PPP1R15A: variants seen among roughly 807,000 people sequenced by gnomAD.
PPP1R15A encodes protein phosphatase 1 regulatory subunit 15A, also known as growth arrest and DNA damage-inducible protein GADD34.
A neutral mutation model predicts 48.5 loss-of-function variants in PPP1R15A; 43 were observed. The ratio of observed to expected loss-of-function variants is 0.89; its 90% CI spans 0.69 to 1.14. The LOEUF (loss-of-function observed/expected upper bound fraction) is 1.14, where lower values mean the gene tolerates loss of function less well. Ranked by LOEUF, PPP1R15A falls within the 50% of genes most tolerant of loss-of-function variation. PPP1R15A has a pLI of 0.00. For missense variants in PPP1R15A, 868 were observed against 847.2 expected, an observed-to-expected ratio of 1.02 and a Z score of -0.30; for synonymous variants, 327 against 327.4, an observed-to-expected ratio of 1.00 and a Z score of 0.01.
chr19:48,874,277 G>A lies in PPP1R15A; in HGVS notation c.1044G>A (p.Glu348=), dbSNP rs778165768. 1 of 1,614,010 alleles carries A rather than the reference G, an allele frequency of 6.2e-7. No individual in the cohort carries two copies. Among genetic ancestry groups the A allele is most frequent in the African/African-American group, 1.3e-5 (1 of 74,908 alleles). The change falls in exon 2 of 3, where the codon GAG becomes GAA. Residue 348 remains glutamate (E), a synonymous_variant. Coordinates refer to ENST00000200453, the MANE Select transcript of PPP1R15A (RefSeq NM_014330.5). ...FLKAWVYWPG[E]DTEEEEDEEE... is the part of the protein sequence containing the mutation. Reference sequence around the variant, plus strand: ...AGGCCTGGGTGTATTGGCCAGGAGAGGACACAGAGGAAGAGGAAGATGAGG... The same window carrying A: ...AGGCCTGGGTGTATTGGCCAGGAGAAGACACAGAGGAAGAGGAAGATGAGG...
In PPP1R15A at chr19:48,875,690, C is replaced by T. The variant is rs779475446; in HGVS notation, c.1742C>T (p.Pro581Leu). ...CCGGCCCAGGCCGCCCGCCAGGGCCCCTGGGAGCAGCTTGCTCGGGATCGC... is the reference window on the plus strand; with the variant it reads ...CCGGCCCAGGCCGCCCGCCAGGGCCTCTGGGAGCAGCTTGCTCGGGATCGC... Reference protein sequence around the residue: ...AGPAQAARQGPWEQLARDRSR... With the variant: ...AGPAQAARQGLWEQLARDRSR... Residue 581 changes from proline to leucine, a missense_variant, in exon 3 of 3, where the codon CCC (proline) becomes CTC (leucine). Physicochemically the swap from Pro to Leu is moderately conservative, Grantham distance 98. Transcript: ENST00000200453. The T allele has an allele frequency of 3.7e-6, 6 of 1,612,240 alleles. No individual in the cohort carries two copies. In the South Asian group the frequency reaches 6.6e-5, roughly 18 times the overall value.
In PPP1R15A at chr19:48,873,876, T is replaced by C. The variant is rs2037042397; in HGVS notation, c.643T>C (p.Ser215Pro). The C allele has an allele frequency of 1.2e-6, 2 of 1,613,536 alleles. No homozygotes were observed. The highest frequency in any genetic ancestry group is 1.7e-6 in the Non-Finnish European group (2 of 1,179,902). ...RTSTSALSPG[S>P]KPSTWVSCPG... ...CTCTACTTCTGCCTTGTCTCCAGGATCCAAGCCCAGCACTTGGGTGTCTTG... is the reference window on the plus strand; with the variant it reads ...CTCTACTTCTGCCTTGTCTCCAGGACCCAAGCCCAGCACTTGGGTGTCTTG... Residue 215 changes from serine (S) to proline (P), a missense_variant, in exon 2 of 3, where the codon TCC (serine) becomes CCC (proline). By Grantham distance (74) the Ser-to-Pro change is moderately conservative (BLOSUM62 -1). Transcript: ENST00000200453.
Position 48,875,910 on chromosome 19 carries a change from C to G in PPP1R15A, c.1962C>G (p.Ala654=). 1 of 1,613,312 alleles carries G rather than the reference C, an allele frequency of 6.2e-7. No individual in the cohort carries two copies. Among genetic ancestry groups the G allele is most frequent in the Non-Finnish European group, 8.5e-7 (1 of 1,179,492 alleles). The change falls in exon 3 of 3, where the codon GCC becomes GCG. Residue 654 remains alanine, a synonymous_variant. Coordinates refer to ENST00000200453, the MANE Select transcript of PPP1R15A (RefSeq NM_014330.5). ...CCACGCCCTTGAGCCAAGCTGTGGCCACACCTTCCCGCTCGTCTGCTGCTG... is the reference window on the plus strand; with the variant it reads ...CCACGCCCTTGAGCCAAGCTGTGGCGACACCTTCCCGCTCGTCTGCTGCTG... The part of the protein sequence containing the change: ...VQTTPLSQAV[A]TPSRSSAAAA...
At position 48,872,456 on chromosome 19, in the gene PPP1R15A, T is replaced by C. The variant is rs1449958830; in HGVS notation, c.-205T>C. ...GTTCCCATCCCAGTTGTTGATCTTA[T>C]GCAAGACGCTGCACGACCCCGCGCC... On this transcript the variant is annotated 5_prime_UTR_variant, in exon 1 of 3. The change abolishes an upstream ATG in the 5' untranslated region. Coordinates refer to ENST00000200453, the MANE Select transcript of PPP1R15A (RefSeq NM_014330.5). 1 of 456,374 alleles carries C rather than the reference T, an allele frequency of 2.2e-6. No individual in the cohort carries two copies. Among genetic ancestry groups the C allele is most frequent in the East Asian group, 6.9e-5 (1 of 14,404 alleles). 28.3% of individuals were successfully genotyped at this position (456,374 alleles called of 1,614,324 possible). A position where few individuals can be genotyped will look rare whatever the true frequency, so the allele number is the denominator to read the frequency against.
At chr19:48,873,109 C>T (rs748658614) in intron 1 of PPP1R15A, 116 bp from the exon 2 acceptor site, 37 of 1,369,264 alleles carry the variant, frequency 2.7e-5, no homozygotes, top group Non-Finnish European at 3.1e-5. Context: ...TTGGGACTCT[C>T]GCGTTGCTAT....
In PPP1R15A at chr19:48,874,035, T is replaced by C; in HGVS notation, c.802T>C (p.Ser268Pro). The change falls in exon 2 of 3, where the codon TCC becomes CCC. Residue 268 changes from serine to proline, a missense_variant. Transcript: ENST00000200453. ...CTGGGAGTATCGTTCAGGAGAGGCG[T>C]CCGAGGAGAAGGAGGAAAAGGCACA... ...RSWEYRSGEASEEKEEKAHKE... is the reference protein window; with the variant it reads ...RSWEYRSGEAPEEKEEKAHKE... 1 of 1,613,884 alleles carries C rather than the reference T, an allele frequency of 6.2e-7. No individual in the cohort carries two copies. Among genetic ancestry groups the C allele is most frequent in the Non-Finnish European group, 8.5e-7 (1 of 1,179,956 alleles).
chr19:48,873,390 G>A lies in PPP1R15A; in HGVS notation c.157G>A (p.Ala53Thr), dbSNP rs775229479. 152 of 1,613,812 alleles carry A rather than the reference G, an allele frequency of 9.4e-5. No homozygotes were observed. Among genetic ancestry groups the A allele is most frequent in the Admixed American group, 1.2e-4 (7 of 59,908 alleles). Residue 53 changes from alanine to threonine, a missense_variant, in exon 2 of 3, where the codon GCA (alanine) becomes ACA (threonine). Coordinates refer to ENST00000200453, the MANE Select transcript of PPP1R15A (RefSeq NM_014330.5). ...EPWLVEAVKG[A>T]ALVEAGLEGE... ...CTGGCTGGTGGAAGCAGTAAAAGGA[G>A]CAGCTCTGGTAGAAGCTGGCCTGGA...
At chr19:48,875,020 A>C (rs952435892) in intron 2 of PPP1R15A, 122 bp downstream of exon 2, 9 of 1,211,158 alleles carry the variant, frequency 7.4e-6, no homozygotes, top group Non-Finnish European at 9.8e-6. Context: ...TCTGCCGCCC[A>C]AGTTCAGGCG....
In PPP1R15A at chr19:48,874,411, C is replaced by T. The variant is rs1156847776; in HGVS notation, c.1178C>T (p.Pro393Leu). The T allele has an allele frequency of 1.2e-6, 2 of 1,613,926 alleles. No homozygotes were observed. The highest frequency in any genetic ancestry group is 1.1e-5 in the South Asian group (1 of 91,086). Residue 393 changes from proline (P) to leucine (L), a missense_variant, in exon 2 of 3, where the codon CCA becomes CTA. Transcript: ENST00000200453. ...GVFLKSWVYQ[P>L]GEDTEEEEDE... is the part of the protein sequence containing the mutation. ...TTCTTGAAGTCCTGGGTCTATCAGC[C>T]AGGAGAGGACACAGAGGAGGAGGAA...
At chr19:48,873,187 T>A in intron 1 of PPP1R15A, 38 bp from the exon 2 acceptor site, 1 of 1,434,700 alleles carries the variant, frequency 7.0e-7, no homozygotes, top group South Asian at 1.6e-5. Flanking sequence ...ATCCTCTAAA[T>A]GGCCCCTAAA....
At position 48,873,489 on chromosome 19, in the gene PPP1R15A, A is replaced by C. The variant is rs769270279; in HGVS notation, c.256A>C (p.Ser86Arg). The C allele has an allele frequency of 6.2e-7, 1 of 1,614,200 alleles. No individual in the cohort carries two copies. The highest frequency in any genetic ancestry group is 1.7e-5 in the Admixed American group (1 of 60,012). ...ACGCCCTGAAGAGGAGGCTGAAGAC[A>C]GTGGAGGCCCTGGAGAGGACAGAGA... is the stretch of plus-strand genomic sequence containing the variant. ...GRRPEEEAED[S>R]GGPGEDRETL... Residue 86 changes from serine (S) to arginine (R), a missense_variant, in exon 2 of 3, where the codon AGT becomes CGT. Transcript: ENST00000200453.
At position 48,875,821 on chromosome 19, in the gene PPP1R15A, G is replaced by C. The variant is rs2037076754; in HGVS notation, c.1873G>C (p.Ala625Pro). Residue 625 changes from alanine to proline, a missense_variant, in exon 3 of 3, where the codon GCC (alanine) becomes CCC (proline). By Grantham distance (27) the Ala-to-Pro change is conservative. Transcript: ENST00000200453. ...GGCACGCCTCAGGAACCCACCTTTA[G>C]CCCCCATCCCTGCCCTCACCCAGAC... ...AWARLRNPPL[A>P]PIPALTQTLP... The C allele has an allele frequency of 1.9e-6, 3 of 1,613,806 alleles. No individual in the cohort carries two copies. The highest frequency in any genetic ancestry group is 1.3e-5 in the African/African-American group (1 of 74,872).
intron 1 of PPP1R15A, 58 bp from the exon 2 acceptor site, chr19:48,873,167 C>T: frequency 7.0e-7 from 1 of 1,423,848 alleles, no homozygotes. Flanking sequence ...CATAGTCACG[C>T]CCGGATGCCA....
chr19:48,875,329 G>A lies in PPP1R15A; in HGVS notation c.1666-285G>A. ...GAGGGTTGCATGTCATCTCCATGGA[G>A]AAGGCTGTGTACGCTGTCACGCAAT... is the stretch of plus-strand genomic sequence containing the variant. On this transcript the variant is annotated intron_variant, in intron 2 of 2. Transcript: ENST00000200453. 1.0e-5 allele frequency: 5 copies of A among 487,920 alleles called. No homozygotes were observed. The South Asian group carries it at 1.5e-4, about 15-fold the overall frequency. The allele number at this position is 487,920 out of a possible 1,614,324, so 30.2% of individuals were successfully genotyped here.
In PPP1R15A at chr19:48,875,713, C is replaced by G. The variant is rs769579706; in HGVS notation, c.1765C>G (p.Arg589Gly). The G allele has an allele frequency of 1.2e-6, 2 of 1,612,598 alleles. No homozygotes were observed. ...QGPWEQLARD[R>G]SRFARRITQA... ...CCCCTGGGAGCAGCTTGCTCGGGAT[C>G]GCAGCCGCTTCGCACGCCGCATCAC... Residue 589 changes from arginine (R) to glycine (G), a missense_variant, in exon 3 of 3, where the codon CGC (arginine) becomes GGC (glycine). Arg to Gly is a moderately radical substitution (Grantham distance 125, BLOSUM62 -2). Coordinates refer to ENST00000200453, the MANE Select transcript of PPP1R15A (RefSeq NM_014330.5).
rs142855954 is a variant in PPP1R15A at position 48,874,405 on chromosome 19, A to G, written c.1172A>G (p.Tyr391Cys). The G allele has an allele frequency of 5.0e-6, 8 of 1,613,994 alleles. No homozygotes were observed. Among genetic ancestry groups the G allele is most frequent in the Admixed American group, 1.7e-5 (1 of 59,982 alleles). The change falls in exon 2 of 3, where the codon TAT (tyrosine) becomes TGT (cysteine). Residue 391 changes from tyrosine to cysteine, a missense_variant. Transcript: ENST00000200453. ...GGTGTCTTCTTGAAGTCCTGGGTCT[A>G]TCAGCCAGGAGAGGACACAGAGGAG... ...ATGVFLKSWV[Y>C]QPGEDTEEEE...
chr19:48,873,617 A>G lies in PPP1R15A; in HGVS notation c.384A>G (p.Arg128=). The G allele has an allele frequency of 6.2e-7, 1 of 1,614,100 alleles. No homozygotes were observed. Residue 128 remains arginine (R), a synonymous_variant, in exon 2 of 3, where the codon AGA becomes AGG. Coordinates refer to ENST00000200453, the MANE Select transcript of PPP1R15A (RefSeq NM_014330.5). The stretch of plus-strand genomic sequence containing the variant: ...AGCGAGAGGCAACCAGTGTCCCTAG[A>G]GGGCAGGGAAGTCAATTTGCAGATG... ...YGEREATSVP[R]GQGSQFADGQ... is the part of the protein sequence containing the mutation.
Position 48,875,676 on chromosome 19 carries a change from C to A in PPP1R15A, c.1728C>A (p.Ala576=), listed in dbSNP as rs762837215. The A allele has an allele frequency of 1.4e-5, 22 of 1,610,736 alleles. 1 individual carries two copies. In the South Asian group the frequency reaches 2.2e-4, roughly 16 times the overall value. Reference sequence around the variant, plus strand: ...CTGTCTGGGCAGGGCCGGCCCAGGCCGCCCGCCAGGGCCCCTGGGAGCAGC... The same window carrying A: ...CTGTCTGGGCAGGGCCGGCCCAGGCAGCCCGCCAGGGCCCCTGGGAGCAGC... ...FLAVWAGPAQ[A]ARQGPWEQLA... Residue 576 remains alanine (A), a synonymous_variant, in exon 3 of 3, where the codon GCC becomes GCA. Transcript: ENST00000200453.
intron 2 of PPP1R15A, chr19:48,875,123 G>A (rs2037065533): frequency 8.5e-6 from 4 of 470,572 alleles, no homozygotes; most frequent in Non-Finnish European, 7.1e-6. Context: ...AGAGACGGGG[G>A]TTTTGCCATG....
Sources: gnomAD v4.1 joint callset for allele counts on GRCh38, gnomAD v4.1.1 for gene constraint, MANE v1.5 for transcripts, NCBI Gene and HGNC (gene_info 2026-07-23, HGNC 2026-07-21) for gene names.